LAP3: variants seen among roughly 807,000 people sequenced by gnomAD.
LAP3 encodes cytosol aminopeptidase.
LAP3 carries 46 observed loss-of-function variants against 58.8 expected under a neutral mutation model. The observed-to-expected ratio is 0.78, with a 90% CI of 0.62 to 1.00. The LOEUF is 1.00. Among genes scored for constraint, LAP3 ranks in the 50% least tolerant of loss-of-function variants. The pLI is 0.00. For synonymous variants in LAP3, 257 were observed against 237.7 expected (o/e 1.08, Z -0.75); for missense variants, 615 against 659.1 (o/e 0.93, Z 0.73).
At chr4:17,579,469 T>C (rs535798104) in intron 1 of LAP3, among the ~76,000 whole-genome samples, 26 of 152,304 alleles carry the variant, frequency 1.7e-4, no homozygotes, top group African/African-American at 6.3e-4. Flanking sequence ...TATTTTGGAG[T>C]GGCATGTTCT....
At position 17,577,291 on chromosome 4, in the gene LAP3, C is replaced by T. The variant is rs1577216714; in HGVS notation, c.-175C>T. ...CAACCGCGGTTTGATCCCAGCGGTC[C>T]AGTCGGCCGGTGCTGCCCATCCGTC... On this transcript the variant is annotated 5_prime_UTR_variant, in exon 1 of 13. It introduces an in-frame stop codon into an upstream open reading frame of the 5' UTR. Transcript: ENST00000226299. The T allele has an allele frequency of 1.1e-5, 2 of 180,002 alleles. No homozygotes were observed. The highest frequency in any genetic ancestry group is 1.9e-5 in the Non-Finnish European group (2 of 105,488). The allele number at this position is 180,002 out of a possible 1,614,324, so 11.2% of individuals were successfully genotyped here. A position where few individuals can be genotyped will look rare whatever the true frequency, so the allele number is the denominator to read the frequency against.
intron 5 of LAP3, among the ~76,000 whole-genome samples, chr4:17,584,167 G>T (rs753542274): frequency 2.0e-5 from 3 of 152,260 alleles, no homozygotes; most frequent in Non-Finnish European, 2.9e-5. Flanking sequence ...TGTGGGGAGT[G>T]GGGGAGAGTG....
chr4:17,604,739 T>G, intron 11 of LAP3, 72 bp downstream of exon 11: 1 of 1,175,228 alleles, frequency 8.5e-7, no homozygotes, highest in Non-Finnish European at 1.3e-6. Context: ...AAGGATAGAC[T>G]TCTTCAACCC....
At chr4:17,579,791 T>A in intron 1 of LAP3, 33 bp from the exon 2 acceptor site, 1 of 1,255,654 alleles carries the variant, frequency 8.0e-7, no homozygotes, top group East Asian at 2.4e-5. Context: ...CTACTCTAAT[T>A]CTATTATATT....
At chr4:17,596,553 G>A (rs953807090) in intron 8 of LAP3, among the ~76,000 whole-genome samples, 2 of 152,046 alleles carry the variant, frequency 1.3e-5, no homozygotes, top group Non-Finnish European at 2.9e-5. Flanking sequence ...TGATCAGGCT[G>A]GTCTTGAACT....
chr4:17,582,720 G>A (rs781542552), intron 4 of LAP3: 6 of 195,712 alleles, frequency 3.1e-5, no homozygotes, highest in Admixed American at 1.7e-4. Flanking sequence ...GATGCCTCCC[G>A]ACTTTTAAAT....
chr4:17,585,128 C>A lies in LAP3; in HGVS notation c.696C>A (p.Val232=). The change falls in exon 6 of 13, where the codon GTC becomes GTA. Residue 232 remains valine, a synonymous_variant. Transcript: ENST00000226299. ...AAAGTGCTAGTAGTAAAACCGAGGT[C>A]CATATCAGGTAATTCAGGATTGTGT... ...NLKSASSKTE[V]HIRPKSWIEE... is the part of the protein sequence containing the mutation. 1 of 1,612,472 alleles carries A rather than the reference C, an allele frequency of 6.2e-7. No individual in the cohort carries two copies. Among genetic ancestry groups the A allele is most frequent in the South Asian group, 1.1e-5 (1 of 91,000 alleles).
At chr4:17,599,279 C>T (rs1034154004) in intron 10 of LAP3, among the ~76,000 whole-genome samples, 1 of 152,178 alleles carries the variant, frequency 6.6e-6, no homozygotes, top group African/African-American at 2.4e-5. Context: ...TGGCTCACAC[C>T]TGTAATCCCA....
intron 4 of LAP3, 40 bp downstream of exon 4, chr4:17,582,433 ACT>A: frequency 1.4e-6 from 2 of 1,481,032 alleles, no homozygotes; most frequent in Non-Finnish European, 1.9e-6. Flanking sequence ...CTGAGGATCC[ACT>A]CTTTTTGATG....
Position 17,607,576 on chromosome 4 carries a change from A to G in LAP3, c.1547A>G (p.Gln516Arg). ...TLIEFLLRFS[Q>R]DNA is the part of the protein sequence containing the mutation. ...ATTGAGTTCTTACTTCGTTTCAGTC[A>G]AGACAATGCTTAGTTCAGATACTCA... is the stretch of plus-strand genomic sequence containing the variant. Residue 516 changes from glutamine to arginine, a missense_variant, in exon 13 of 13, where the codon CAA becomes CGA. Transcript: ENST00000226299. 6.2e-7 allele frequency: 1 copy of G among 1,612,326 alleles called. No homozygotes were observed. Among genetic ancestry groups the G allele is most frequent in the African/African-American group, 1.3e-5 (1 of 75,028 alleles).
At chr4:17,579,286 CTTCCAG>C (rs985028482) in intron 1 of LAP3, among the ~76,000 whole-genome samples, 1 of 152,188 alleles carries the variant, frequency 6.6e-6, no homozygotes, top group Non-Finnish European at 1.5e-5. Context: ...TTGGTGTTGA[CTTCCAG>C]TTTCTGGTGA....
intron 6 of LAP3, 21 bp downstream of exon 6, chr4:17,585,157 A>G (rs1037259014): frequency 1.9e-6 from 3 of 1,599,398 alleles, no homozygotes; most frequent in Non-Finnish European, 1.7e-6. Flanking sequence ...ATTGTGTCAC[A>G]GACTCGAGAT....
At chr4:17,590,226 G>C (rs1201003597) in intron 7 of LAP3, among the ~76,000 whole-genome samples, 3 of 152,152 alleles carry the variant, frequency 2.0e-5, no homozygotes, top group African/African-American at 7.2e-5. Context: ...TGATTCCTGG[G>C]AATCATGTTA....
At position 17,595,320 on chromosome 4, in the gene LAP3, G is replaced by C. The variant is rs1713802470; in HGVS notation, c.864-90G>C. On this transcript the variant is annotated intron_variant, in intron 7 of 12. Transcript: ENST00000226299. ...CCCAAAGTGCTGGGATTACAGGCGTGAGCCACCGTGCCCATCTGTACTTTT... is the reference window on the plus strand; with the variant it reads ...CCCAAAGTGCTGGGATTACAGGCGTCAGCCACCGTGCCCATCTGTACTTTT... The C allele has an allele frequency of 2.0e-6, 3 of 1,463,530 alleles. No individual in the cohort carries two copies. The African/African-American group carries it at 4.2e-5, about 20-fold the overall frequency. The allele number at this position is 1,463,530 out of a possible 1,614,324, so 90.7% of individuals were successfully genotyped here.
At position 17,604,668 on chromosome 4, in the gene LAP3, G is replaced by A; in HGVS notation, c.1260+1G>A. ...CTGGCTCTGGAACAAACTCTTCGAG[G>A]TAGGAATAATATTTGTATATCTAAA... is the stretch of plus-strand genomic sequence containing the variant. On this transcript the variant is annotated splice_donor_variant, in intron 11 of 12. Transcript: ENST00000226299. LOFTEE classifies it high-confidence loss of function. 1.3e-6 allele frequency: 2 copies of A among 1,599,630 alleles called. No individual in the cohort carries two copies. The highest frequency in any genetic ancestry group is 1.7e-6 in the Non-Finnish European group (2 of 1,166,910).
intron 5 of LAP3, 42 bp from the exon 6 acceptor site, chr4:17,584,930 T>C: frequency 6.2e-7 from 1 of 1,601,940 alleles, no homozygotes; most frequent in Non-Finnish European, 8.5e-7. Context: ...GTCAGCGTTC[T>C]TGAGAGGTTG....
rs773619597 is a variant in LAP3, at chr4:17,577,546, C to G, written c.81C>G (p.Leu27=). 1.5e-5 allele frequency: 23 copies of G among 1,568,960 alleles called. No homozygotes were observed. The highest frequency in any genetic ancestry group is 2.0e-5 in the Non-Finnish European group (23 of 1,158,438). The change falls in exon 1 of 13, where the codon CTC becomes CTG. Residue 27 remains leucine (L), a synonymous_variant. Coordinates refer to ENST00000226299, the MANE Select transcript of LAP3 (RefSeq NM_015907.3). The part of the protein sequence containing the change: ...LAVRRFGSRS[L]STADMTKGLV... The stretch of plus-strand genomic sequence containing the variant: ...TGAGACGTTTCGGGAGCCGGAGTCT[C>G]TCCACCGCAGACATGACGAAGGTGA...
Position 17,588,819 on chromosome 4 carries a change from A to G in LAP3, c.705A>G (p.Arg235=). 6.2e-7 allele frequency: 1 copy of G among 1,613,448 alleles called. No homozygotes were observed. The highest frequency in any genetic ancestry group is 1.1e-5 in the South Asian group (1 of 91,038). Reference sequence around the variant, plus strand: ...CTTTTTCCCTCTTTCTACCCTATAGACCCAAGTCTTGGATTGAGGAACAGG... The same window carrying G: ...CTTTTTCCCTCTTTCTACCCTATAGGCCCAAGTCTTGGATTGAGGAACAGG... The part of the protein sequence containing the change: ...SASSKTEVHI[R]PKSWIEEQAM... Residue 235 remains arginine (R), a splice_region_variant and synonymous_variant, in exon 7 of 13, where the codon AGA becomes AGG. Coordinates refer to ENST00000226299, the MANE Select transcript of LAP3 (RefSeq NM_015907.3).
chr4:17,584,733 T>C, intron 5 of LAP3: 1 of 357,428 alleles, frequency 2.8e-6, no homozygotes, highest in Non-Finnish European at 5.2e-6. Context: ...TGAAGGGAAG[T>C]GCCTGACCGG....
Sources: allele counts gnomAD v4.1 joint callset (sites outside exome capture counted in the v4.1 genomes callset), GRCh38; gene constraint gnomAD v4.1.1; transcripts MANE v1.5; gene names NCBI Gene and HGNC (gene_info 2026-07-23, HGNC 2026-07-21).